Variants in ASAP2 observed in about 807,000 individuals in gnomAD.
The protein encoded by ASAP2 is ArfGAP with SH3 domain, ankyrin repeat and PH domain 2.
ASAP2 carries 45 observed loss-of-function variants against 131.4 expected under a neutral mutation model. The ratio of observed to expected loss-of-function variants is 0.34; its 90% CI spans 0.27 to 0.44. The LOEUF (loss-of-function observed/expected upper bound fraction) is 0.44, where lower values mean the gene tolerates loss of function less well. Ranked by LOEUF, ASAP2 falls within the 20% of genes least tolerant of loss-of-function variation. The pLI is 1.00. For synonymous variants in ASAP2, 510 were observed against 503.0 expected (o/e 1.01, Z -0.19); for missense variants, 1,011 against 1,297.0 (o/e 0.78, Z 3.39).
chr2:9,402,632 G>T (rs1386375575), intron 27 of ASAP2, among the ~76,000 whole-genome samples: 2 of 152,084 alleles, frequency 1.3e-5, no homozygotes, highest in African/African-American at 4.8e-5. Flanking sequence ...GAAAATAGAG[G>T]CATAAAGAAG....
At chr2:9,342,766 G>C (rs925720024) in intron 9 of ASAP2, among the ~76,000 whole-genome samples, 1 of 152,168 alleles carries the variant, frequency 6.6e-6, no homozygotes, top group Non-Finnish European at 1.5e-5. Flanking sequence ...ACTCCAGCCC[G>C]TCTTGTCCAC....
chr2:9,215,074 G>A (rs1055314084), intron 1 of ASAP2, among the ~76,000 whole-genome samples: 1 of 152,134 alleles, frequency 6.6e-6, no homozygotes, highest in African/African-American at 2.4e-5. Flanking sequence ...CACCCAGATG[G>A]CATGCAGGCA....
At chr2:9,353,017 G>A (rs1267336636) in intron 12 of ASAP2, among the ~76,000 whole-genome samples, 12 of 152,182 alleles carry the variant, frequency 7.9e-5, no homozygotes, top group Admixed American at 7.9e-4. Flanking sequence ...TAGTGAAAAT[G>A]GTTTGTGCAG....
intron 9 of ASAP2, among the ~76,000 whole-genome samples, chr2:9,338,912 TCA>T (rs1671401367): frequency 6.6e-6 from 1 of 152,162 alleles, no homozygotes; most frequent in Non-Finnish European, 1.5e-5. Flanking sequence ...GCATGGTGGC[TCA>T]CAGCTATAGT....
intron 20 of ASAP2, among the ~76,000 whole-genome samples, chr2:9,383,436 T>A (rs1675024639): frequency 6.6e-6 from 1 of 152,018 alleles, no homozygotes; most frequent in Admixed American, 6.6e-5. Flanking sequence ...GTTTTTAAAT[T>A]TTTTGTAGTG....
intron 5 of ASAP2, among the ~76,000 whole-genome samples, 164 bp from the exon 6 acceptor site, chr2:9,322,957 C>T (rs74646993): frequency 0.013 from 1,926 of 152,278 alleles, 40 homozygotes; most frequent in African/African-American, 0.045. Flanking sequence ...TTGACATCTT[C>T]GTGAGGACAC....
At chr2:9,364,231 G>A (rs1673285652) in intron 15 of ASAP2, among the ~76,000 whole-genome samples, 2 of 152,156 alleles carry the variant, frequency 1.3e-5, no homozygotes, top group Non-Finnish European at 2.9e-5. Flanking sequence ...TATGAGACCA[G>A]GCGCAGTGGT....
At chr2:9,358,715 T>C in intron 14 of ASAP2, 41 bp from the exon 15 acceptor site, 1 of 1,596,332 alleles carries the variant, frequency 6.3e-7, no homozygotes, top group African/African-American at 1.3e-5. Context: ...CTGACCCTCT[T>C]TTTTACTGGA....
At chr2:9,370,237 A>C (rs1673842062) in intron 16 of ASAP2, among the ~76,000 whole-genome samples, 1 of 152,194 alleles carries the variant, frequency 6.6e-6, no homozygotes, top group African/African-American at 2.4e-5. Context: ...TGATACAGTG[A>C]AAGAGCCAGA....
intron 1 of ASAP2, among the ~76,000 whole-genome samples, chr2:9,214,845 G>A (rs1485382002): frequency 6.6e-6 from 1 of 150,950 alleles, no homozygotes; most frequent in African/African-American, 2.4e-5. Flanking sequence ...ATAGTCTCAT[G>A]TTTTATGTGC....
intron 20 of ASAP2, 79 bp from the exon 21 acceptor site, chr2:9,385,166 C>G: frequency 9.0e-7 from 1 of 1,113,402 alleles, no homozygotes. Context: ...GGCAGGCCTC[C>G]TGCCTGCACA....
intron 14 of ASAP2, among the ~76,000 whole-genome samples, chr2:9,357,603 C>T (rs889278383): frequency 1.2e-4 from 19 of 152,100 alleles, no homozygotes; most frequent in Admixed American, 1.0e-3. Context: ...GTGTTTCATA[C>T]GCTTTGATAA....
At chr2:9,379,534 G>A (rs777107619) in intron 19 of ASAP2, among the ~76,000 whole-genome samples, 13 of 152,066 alleles carry the variant, frequency 8.5e-5, no homozygotes, top group African/African-American at 1.2e-4. Context: ...ACTTGGCCCC[G>A]GTCCCTCCCT....
chr2:9,295,564 G>A (rs1668100113), intron 2 of ASAP2, among the ~76,000 whole-genome samples: 1 of 152,146 alleles, frequency 6.6e-6, no homozygotes, highest in Non-Finnish European at 1.5e-5. Flanking sequence ...GCGTCACTGT[G>A]ACTTACCAAG....
chr2:9,350,920 G>A lies in ASAP2; in HGVS notation c.1111+25G>A, dbSNP rs370438347. 5.2e-4 allele frequency: 811 copies of A among 1,563,346 alleles called. 1 individual carries two copies. The highest frequency in any genetic ancestry group is 4.7e-3 in the East Asian group (208 of 44,514). On this transcript the variant is annotated intron_variant, in intron 12 of 27. Coordinates refer to ENST00000281419, the MANE Select transcript of ASAP2 (RefSeq NM_003887.3). ...CGTAAGGCTCCCTCTGAGATGCCGCGCCATAGAGACGTTGTCTTATGCTCT... is the reference window on the plus strand; with the variant it reads ...CGTAAGGCTCCCTCTGAGATGCCGCACCATAGAGACGTTGTCTTATGCTCT...
chr2:9,368,658 C>T (rs1164512476), intron 16 of ASAP2, 139 bp downstream of exon 16: 1 of 700,764 alleles, frequency 1.4e-6, no homozygotes, highest in Non-Finnish European at 2.4e-6. Flanking sequence ...GTTGGGTTTT[C>T]TTAGTCACTT....
intron 2 of ASAP2, among the ~76,000 whole-genome samples, chr2:9,284,654 GGTAA>G (rs1667352639): frequency 6.6e-6 from 1 of 152,182 alleles, no homozygotes; most frequent in Non-Finnish European, 1.5e-5. Flanking sequence ...ACATACACGT[GGTAA>G]GTGTGACAGC....
intron 2 of ASAP2, among the ~76,000 whole-genome samples, chr2:9,287,175 T>C (rs1340998710): frequency 6.6e-6 from 1 of 152,200 alleles, no homozygotes; most frequent in Non-Finnish European, 1.5e-5. Flanking sequence ...GGCGGGAAGT[T>C]GCTGGGGGCA....
intron 9 of ASAP2, among the ~76,000 whole-genome samples, chr2:9,337,957 C>T (rs1014612155): frequency 1.3e-5 from 2 of 152,154 alleles, no homozygotes; most frequent in Non-Finnish European, 2.9e-5. Flanking sequence ...AACTATGTAC[C>T]ATAGTGTTTG....
Sources: allele counts gnomAD v4.1 joint callset (sites outside exome capture counted in the v4.1 genomes callset), GRCh38; gene constraint gnomAD v4.1.1; transcripts MANE v1.5; gene names NCBI Gene and HGNC (gene_info 2026-07-23, HGNC 2026-07-21).